CAB39L: variants seen among roughly 807,000 people sequenced by gnomAD.
CAB39L encodes calcium binding protein 39 like.
A neutral mutation model predicts 39.1 loss-of-function variants in CAB39L; 23 were observed. That is an observed-to-expected ratio of 0.59 (90% CI 0.42 to 0.83). The LOEUF (loss-of-function observed/expected upper bound fraction) is 0.83, where lower values mean the gene tolerates loss of function less well. CAB39L is among the 40% of genes least tolerant of loss of function. The pLI is 0.00. For synonymous variants in CAB39L, 126 were observed against 137.2 expected (o/e 0.92, Z 0.57); for missense variants, 366 against 391.9 (o/e 0.93, Z 0.56).
At position 49,375,948 on chromosome 13, in the gene CAB39L, C is replaced by A. The variant is rs75196881; in HGVS notation, c.276+1019G>T. ...GGGCCCTTCGGGGTCCCCACTTGGT[C>A]TTGCTTCTAGCCACAACTGGACTGC... On this transcript the variant is annotated intron_variant, in intron 5 of 10. Coordinates refer to ENST00000409308, the MANE Select transcript of CAB39L (RefSeq NM_001079670.3). Among the ~76,000 whole-genome samples, 454 of 152,306 alleles carry A rather than the reference C, an allele frequency of 3.0e-3. 5 individuals are homozygous for A. In the East Asian group the frequency reaches 0.032, roughly 11 times the overall value.
At position 49,426,433 on chromosome 13, in the gene CAB39L, AT is replaced by A. The variant is rs879663024; in HGVS notation, c.-32+6884del. Among the ~76,000 whole-genome samples, 463 of 148,768 alleles carry A rather than the reference AT, an allele frequency of 3.1e-3. 2 individuals carry two copies. Among genetic ancestry groups the A allele is most frequent in the African/African-American group, 6.9e-3 (281 of 40,816 alleles). ...ACCCTAAAATATGCTTCTTTAAAAT[AT>A]TTTTTTTTTTGAGACGGAGTCTCGC... On this transcript the variant is annotated intron_variant, in intron 3 of 10. Coordinates refer to ENST00000409308, the MANE Select transcript of CAB39L (RefSeq NM_001079670.3).
chr13:49,384,636 T>C (rs1225416685), intron 3 of CAB39L, among the ~76,000 whole-genome samples: 1 of 152,204 alleles, frequency 6.6e-6, no homozygotes, highest in Non-Finnish European at 1.5e-5. Flanking sequence ...AATATGAACA[T>C]ATGAAATGTA....
At chr13:49,317,716 G>A (rs866746963) in intron 10 of CAB39L, among the ~76,000 whole-genome samples, 1 of 151,982 alleles carries the variant, frequency 6.6e-6, no homozygotes, top group Non-Finnish European at 1.5e-5. Context: ...TTTGGCAATG[G>A]TTTCTTAGAT....
chr13:49,425,207 CA>C (rs1166450453), intron 3 of CAB39L, among the ~76,000 whole-genome samples: 3 of 151,726 alleles, frequency 2.0e-5, no homozygotes, highest in Non-Finnish European at 2.9e-5. Flanking sequence ...AACAGGAGAA[CA>C]TTTTTTTACT....
chr13:49,312,006 G>A (rs562062790), intron 10 of CAB39L, among the ~76,000 whole-genome samples: 152 of 152,220 alleles, frequency 1.0e-3, no homozygotes, highest in Admixed American at 3.5e-3. Context: ...CGATCCTCCC[G>A]CCTCAGCTTC....
intron 10 of CAB39L, among the ~76,000 whole-genome samples, chr13:49,312,680 A>C (rs933209935): frequency 6.6e-6 from 1 of 152,156 alleles, no homozygotes; most frequent in African/African-American, 2.4e-5. Context: ...CCTGCACTTC[A>C]CCTTTCCTAT....
intron 10 of CAB39L, among the ~76,000 whole-genome samples, chr13:49,329,581 ATATATATATATATAT>A: frequency 8.8e-6 from 1 of 114,024 alleles, no homozygotes; most frequent in Non-Finnish European, 1.8e-5. Context: ...ATATATATAT[ATATATATATATATAT>A]AATGATGTAA....
At chr13:49,364,756 T>A (rs1391015888) in intron 5 of CAB39L, among the ~76,000 whole-genome samples, 2 of 151,892 alleles carry the variant, frequency 1.3e-5, no homozygotes, top group Non-Finnish European at 2.9e-5. Context: ...AAAATCTCCA[T>A]AATGAAAACT....
intron 5 of CAB39L, among the ~76,000 whole-genome samples, chr13:49,376,602 G>A (rs1594015919): frequency 6.6e-6 from 1 of 152,140 alleles, no homozygotes; most frequent in East Asian, 1.9e-4. Flanking sequence ...TGAACTTTAG[G>A]TTCTTCATCT....
chr13:49,393,931 C>T (rs906200797), intron 3 of CAB39L, among the ~76,000 whole-genome samples: 5 of 151,828 alleles, frequency 3.3e-5, no homozygotes, highest in Admixed American at 3.3e-4. Context: ...AAGAAACAAA[C>T]ACATCAATGA....
chr13:49,313,592 A>T (rs1392564242), intron 10 of CAB39L, among the ~76,000 whole-genome samples: 2 of 152,118 alleles, frequency 1.3e-5, no homozygotes, highest in Non-Finnish European at 2.9e-5. Flanking sequence ...TTCCACAGAG[A>T]TTCTTATGTG....
At chr13:49,426,410 C>T (rs769133407) in intron 3 of CAB39L, among the ~76,000 whole-genome samples, 14 of 152,126 alleles carry the variant, frequency 9.2e-5, no homozygotes, top group South Asian at 8.3e-4. Flanking sequence ...AATATTTCAC[C>T]CTAAAATATG....
intron 5 of CAB39L, among the ~76,000 whole-genome samples, chr13:49,376,099 C>T (rs1956053299): frequency 6.6e-6 from 1 of 152,234 alleles, no homozygotes; most frequent in African/African-American, 2.4e-5. Context: ...TGATCTTGGT[C>T]TAATCACAGT....
intron 3 of CAB39L, among the ~76,000 whole-genome samples, chr13:49,426,489 T>C (rs1274352284): frequency 6.6e-6 from 1 of 152,148 alleles, no homozygotes; most frequent in Non-Finnish European, 1.5e-5. Context: ...TGCAGTGGCA[T>C]GATCTCAGCT....
At chr13:49,366,499 C>T (rs1955774868) in intron 5 of CAB39L, among the ~76,000 whole-genome samples, 1 of 151,488 alleles carries the variant, frequency 6.6e-6, no homozygotes, top group African/African-American at 2.4e-5. Context: ...TGGTGGCACG[C>T]ACCTATAATC....
At chr13:49,317,155 A>T (rs1954181333) in intron 10 of CAB39L, among the ~76,000 whole-genome samples, 1 of 152,212 alleles carries the variant, frequency 6.6e-6, no homozygotes, top group Non-Finnish European at 1.5e-5. Context: ...GCATTAGCAG[A>T]ATATAGGGAA....
chr13:49,364,262 T>TA (rs1293337006), intron 5 of CAB39L, among the ~76,000 whole-genome samples: 1 of 152,200 alleles, frequency 6.6e-6, no homozygotes, highest in Non-Finnish European at 1.5e-5. Context: ...TTACCACTGT[T>TA]ACTCAACATA....
chr13:49,315,037 C>T (rs1387696412), intron 10 of CAB39L, among the ~76,000 whole-genome samples: 1 of 152,156 alleles, frequency 6.6e-6, no homozygotes, highest in African/African-American at 2.4e-5. Flanking sequence ...TGACATTTTA[C>T]CAGGTGAGGT....
intron 5 of CAB39L, among the ~76,000 whole-genome samples, chr13:49,375,761 G>A (rs1393873311): frequency 3.3e-5 from 5 of 149,968 alleles, no homozygotes; most frequent in East Asian, 1.9e-4. Flanking sequence ...AAACCTGCAC[G>A]TTGTGCGCAT....
Sources: allele counts gnomAD v4.1 joint callset (sites outside exome capture counted in the v4.1 genomes callset), GRCh38; gene constraint gnomAD v4.1.1; transcripts MANE v1.5; gene names NCBI Gene and HGNC (gene_info 2026-07-23, HGNC 2026-07-21).